The following PPP1R13B variants were observed in gnomAD, a reference collection of about 807,000 sequenced individuals.
PPP1R13B encodes apoptosis-stimulating of p53 protein 1.
In PPP1R13B, 44 loss-of-function variants were observed where a neutral mutation model predicts 119.8. The observed-to-expected ratio is 0.37, with a 90% CI of 0.29 to 0.47. The LOEUF is 0.47. Among genes scored for constraint, PPP1R13B ranks in the 20% least tolerant of loss-of-function variants. PPP1R13B has a pLI of 0.99. For synonymous variants in PPP1R13B, 542 were observed against 561.5 expected, an observed-to-expected ratio of 0.97 and a Z score of 0.49; for missense variants, 1,227 against 1,413.5, an observed-to-expected ratio of 0.87 and a Z score of 2.12.
intron 4 of PPP1R13B, among the ~76,000 whole-genome samples, chr14:103,765,986 T>TATTATTA (rs1555436561): frequency 1.4e-5 from 2 of 139,076 alleles, no homozygotes; most frequent in African/African-American, 5.5e-5. Context: ...AAATTTTTAT[T>TATTATTA]TTATTATTAT....
At chr14:103,828,291 C>T (rs138358446) in intron 1 of PPP1R13B, among the ~76,000 whole-genome samples, 5,395 of 151,112 alleles carry the variant, frequency 0.036, 146 homozygotes, top group Non-Finnish European at 0.059. Context: ...ATCACTTGAA[C>T]CTGGGAGGCA....
intron 2 of PPP1R13B, among the ~76,000 whole-genome samples, chr14:103,793,935 A>C (rs944772422): frequency 5.3e-5 from 8 of 152,236 alleles, no homozygotes; most frequent in African/African-American, 1.9e-4. Context: ...ACTTTTAAAG[A>C]GGCAAGAAGA....
intron 2 of PPP1R13B, among the ~76,000 whole-genome samples, chr14:103,785,272 T>C (rs1595768756): frequency 6.6e-6 from 1 of 152,200 alleles, no homozygotes; most frequent in Non-Finnish European, 1.5e-5. Context: ...AAGGCTGGAG[T>C]GCAGTGGCAC....
At chr14:103,741,496 G>C (rs988401756) in intron 11 of PPP1R13B, among the ~76,000 whole-genome samples, 3 of 152,212 alleles carry the variant, frequency 2.0e-5, no homozygotes, top group African/African-American at 4.8e-5. Flanking sequence ...AGAAGGAAAA[G>C]AGGAAATTCT....
At chr14:103,838,087 C>T (rs2086818977) in intron 1 of PPP1R13B, among the ~76,000 whole-genome samples, 1 of 152,088 alleles carries the variant, frequency 6.6e-6, no homozygotes, top group Non-Finnish European at 1.5e-5. Flanking sequence ...CCACTGCACT[C>T]CAGCCTGGGC....
chr14:103,824,576 G>A (rs2086492159), intron 1 of PPP1R13B, among the ~76,000 whole-genome samples: 1 of 151,368 alleles, frequency 6.6e-6, no homozygotes, highest in Admixed American at 6.6e-5. Context: ...CACACCTGTA[G>A]TCCCAGCTAC....
rs546125063 is a variant in PPP1R13B, at chr14:103,834,493, A to G, written c.9+12806T>C. Among the ~76,000 whole-genome samples the G allele has an allele frequency of 1.4e-3, 215 of 152,082 alleles. 1 individual carries two copies. Among genetic ancestry groups the G allele is most frequent in the Middle Eastern group, 6.8e-3 (2 of 294 alleles). On this transcript the variant is annotated intron_variant, in intron 1 of 16. Coordinates refer to ENST00000202556, the MANE Select transcript of PPP1R13B (RefSeq NM_015316.3). ...AAGAAGGGCTTTTCAGCTGACTGAC[A>G]GGACACTGCATGAAGTGAACCTTAT...
intron 2 of PPP1R13B, among the ~76,000 whole-genome samples, chr14:103,792,652 G>A (rs2085651762): frequency 6.6e-6 from 1 of 152,040 alleles, no homozygotes; most frequent in African/African-American, 2.4e-5. Flanking sequence ...GTTTGCCTGT[G>A]CTCCCAGCTA....
At chr14:103,798,342 C>T (rs1042459005) in intron 1 of PPP1R13B, among the ~76,000 whole-genome samples, 3 of 151,738 alleles carry the variant, frequency 2.0e-5, no homozygotes, top group Admixed American at 6.6e-5. Context: ...TTAGTAGATA[C>T]GGGGTTTCAC....
chr14:103,782,164 C>T (rs2085353136), intron 3 of PPP1R13B, among the ~76,000 whole-genome samples: 2 of 152,114 alleles, frequency 1.3e-5, no homozygotes, highest in Non-Finnish European at 2.9e-5. Flanking sequence ...GATATCTTTC[C>T]AAAACTGCTT....
Position 103,738,641 on chromosome 14 carries a change from A to G in PPP1R13B, c.2864+38T>C, listed in dbSNP as rs2084171793. On this transcript the variant is annotated intron_variant, in intron 14 of 16. Coordinates refer to ENST00000202556, the MANE Select transcript of PPP1R13B (RefSeq NM_015316.3). This position sits in a 1 kb window ranked among gnomAD's most constrained non-coding sequence, Gnocchi z 5.6. The stretch of plus-strand genomic sequence containing the variant: ...CTGTTTTCCTTATGCAAAGCAGGGA[A>G]AGTAAATCTGTCCACCCCACACTCC... 4 of 1,609,306 alleles carry G rather than the reference A, an allele frequency of 2.5e-6. No individual in the cohort carries two copies. Among genetic ancestry groups the G allele is most frequent in the Admixed American group, 3.3e-5 (2 of 59,896 alleles).
chr14:103,771,637 C>T (rs947004956), intron 4 of PPP1R13B, among the ~76,000 whole-genome samples: 9 of 151,846 alleles, frequency 5.9e-5, no homozygotes, highest in African/African-American at 1.2e-4. Flanking sequence ...CCTGCCAGGA[C>T]GCCAGGCTAA....
intron 4 of PPP1R13B, among the ~76,000 whole-genome samples, chr14:103,772,733 C>T (rs183795847): frequency 4.7e-5 from 7 of 150,500 alleles, no homozygotes; most frequent in African/African-American, 9.8e-5. Context: ...AGTGCAGTGG[C>T]GCGATCTCAG....
intron 1 of PPP1R13B, among the ~76,000 whole-genome samples, chr14:103,842,883 G>A (rs923778398): frequency 4.0e-5 from 6 of 151,406 alleles, no homozygotes; most frequent in Admixed American, 3.9e-4. Flanking sequence ...AGGCTATGGT[G>A]GGAGAATTGC....
chr14:103,761,863 T>A lies in PPP1R13B; in HGVS notation c.355-4112A>T, dbSNP rs529112446. Among the ~76,000 whole-genome samples, 9 of 152,360 alleles carry A rather than the reference T, an allele frequency of 5.9e-5. No individual in the cohort carries two copies. The South Asian group carries it at 1.4e-3, about 25-fold the overall frequency. ...ATTTCAGGCAAATATACATACTAATTTAGTCAACCCAATTGTTCCTAGTCA... is the reference window on the plus strand; with the variant it reads ...ATTTCAGGCAAATATACATACTAATATAGTCAACCCAATTGTTCCTAGTCA... On this transcript the variant is annotated intron_variant, in intron 4 of 16. Coordinates refer to ENST00000202556, the MANE Select transcript of PPP1R13B (RefSeq NM_015316.3).
intron 5 of PPP1R13B, 27 bp downstream of exon 5, chr14:103,757,623 G>A (rs749663518): frequency 1.3e-6 from 2 of 1,599,772 alleles, no homozygotes; most frequent in Admixed American, 3.4e-5. Context: ...TTTGAACAAT[G>A]TTTCAATACC....
In PPP1R13B at chr14:103,847,283, GCCCGCCCT is replaced by G. The variant is rs1276887614; in HGVS notation, c.9+8_9+15del. The stretch of plus-strand genomic sequence containing the variant: ...GCGGAGGAAGCCGCCGCCACCTCCC[GCCCGCCCT>G]CACCCACCGGCATCATCGCGGGGAG... On this transcript the variant is annotated splice_region_variant and intron_variant, in intron 1 of 16. Coordinates refer to ENST00000202556, the MANE Select transcript of PPP1R13B (RefSeq NM_015316.3). The G allele has an allele frequency of 2.3e-6, 1 of 436,296 alleles. No individual in the cohort carries two copies. Among genetic ancestry groups the G allele is most frequent in the East Asian group, 1.5e-4 (1 of 6,592 alleles). The allele number at this position is 436,296 out of a possible 1,614,324, so 27.0% of individuals were successfully genotyped here. A position where few individuals can be genotyped will look rare whatever the true frequency, so the allele number is the denominator to read the frequency against.
intron 1 of PPP1R13B, among the ~76,000 whole-genome samples, chr14:103,838,628 C>CA (rs1253612980): frequency 2.0e-5 from 3 of 152,188 alleles, no homozygotes; most frequent in Non-Finnish European, 4.4e-5. Flanking sequence ...AAAGACACGG[C>CA]AGGGTGAGCA....
At chr14:103,811,094 C>CAA (rs36017203) in intron 1 of PPP1R13B, among the ~76,000 whole-genome samples, 590 of 64,732 alleles carry the variant, frequency 9.1e-3, no homozygotes, top group Middle Eastern at 0.023. Context: ...GACTCCTCCT[C>CAA]AAAAAAAAAA....
Sources: gnomAD v4.1 joint callset for allele counts (sites outside exome capture counted in the v4.1 genomes callset) on GRCh38, gnomAD v4.1.1 for gene constraint, Gnocchi (gnomAD v3.1) non-coding constraint, MANE v1.5 for transcripts, NCBI Gene and HGNC (gene_info 2026-07-23, HGNC 2026-07-21) for gene names.